Variants in EEFSEC observed in about 807,000 individuals in gnomAD.
EEFSEC encodes the protein selenocysteine-specific elongation factor.
Under a neutral mutation model 42.1 loss-of-function variants are expected in EEFSEC, and 43 were observed. That is an observed-to-expected ratio of 1.02 (90% CI 0.80 to 1.32). EEFSEC has a LOEUF of 1.32. Among genes scored for constraint, EEFSEC ranks in the 40% most tolerant of loss-of-function variants. The pLI is 0.00. For missense variants in EEFSEC, 745 were observed against 803.6 expected (o/e 0.93, Z 0.88); for synonymous variants, 354 against 339.1 (o/e 1.04, Z -0.48).
chr3:128,238,107 C>T (rs1315275675), intron 1 of EEFSEC, among the ~76,000 whole-genome samples: 1 of 152,192 alleles, frequency 6.6e-6, no homozygotes, highest in Non-Finnish European at 1.5e-5. Flanking sequence ...GGGAGGTCTC[C>T]TCTTCCAGGG....
intron 4 of EEFSEC, among the ~76,000 whole-genome samples, chr3:128,324,636 C>A (rs2067044499): frequency 6.6e-6 from 1 of 152,200 alleles, no homozygotes; most frequent in Non-Finnish European, 1.5e-5. Flanking sequence ...CCCATTCCAT[C>A]CTGCACGACA....
intron 4 of EEFSEC, among the ~76,000 whole-genome samples, chr3:128,303,305 C>T (rs757258133): frequency 6.6e-6 from 1 of 152,096 alleles, no homozygotes; most frequent in African/African-American, 2.4e-5. Flanking sequence ...CCTAATTTCC[C>T]TCCAGAAAGG....
chr3:128,324,026 G>A (rs1410864630), intron 4 of EEFSEC, among the ~76,000 whole-genome samples: 1 of 152,224 alleles, frequency 6.6e-6, no homozygotes, highest in African/African-American at 2.4e-5. Context: ...CTCTGGGGAA[G>A]GAGGCACGTG....
At chr3:128,395,608 C>T (rs1186368678) in intron 6 of EEFSEC, among the ~76,000 whole-genome samples, 1 of 152,214 alleles carries the variant, frequency 6.6e-6, no homozygotes, top group Non-Finnish European at 1.5e-5. Context: ...GGCCCAGCTT[C>T]CTCCCAGCAG....
chr3:128,197,134 C>T (rs558992793), intron 1 of EEFSEC, among the ~76,000 whole-genome samples: 6 of 152,316 alleles, frequency 3.9e-5, no homozygotes, highest in African/African-American at 1.2e-4. Flanking sequence ...TGACTATTCC[C>T]TCTAGTGTTG....
At chr3:128,170,883 G>A (rs944955858) in intron 1 of EEFSEC, among the ~76,000 whole-genome samples, 1 of 152,224 alleles carries the variant, frequency 6.6e-6, no homozygotes, top group African/African-American at 2.4e-5. Context: ...AAAGATAAGA[G>A]TCAGTTATGT....
intron 1 of EEFSEC, among the ~76,000 whole-genome samples, chr3:128,172,904 A>T (rs2065313350): frequency 6.6e-6 from 1 of 152,220 alleles, no homozygotes; most frequent in Non-Finnish European, 1.5e-5. Context: ...ATGAAATCAG[A>T]TGTCTTCTTT....
intron 1 of EEFSEC, among the ~76,000 whole-genome samples, chr3:128,211,862 T>C (rs1391058640): frequency 8.2e-6 from 1 of 121,218 alleles, no homozygotes; most frequent in Non-Finnish European, 1.7e-5. Flanking sequence ...TTTTTTTTTT[T>C]TTTTTTTTTT....
At chr3:128,216,960 C>T (rs186676680) in intron 1 of EEFSEC, among the ~76,000 whole-genome samples, 21 of 152,202 alleles carry the variant, frequency 1.4e-4, no homozygotes, top group African/African-American at 5.1e-4. Flanking sequence ...GGGCTGGACA[C>T]GTACATATGT....
intron 6 of EEFSEC, among the ~76,000 whole-genome samples, chr3:128,383,222 T>C (rs537531275): frequency 6.6e-6 from 1 of 152,296 alleles, no homozygotes; most frequent in East Asian, 1.9e-4. Context: ...CCTGTATTCA[T>C]CTATTGGTTA....
chr3:128,185,041 A>G (rs541810255), intron 1 of EEFSEC, among the ~76,000 whole-genome samples: 5 of 152,346 alleles, frequency 3.3e-5, no homozygotes, highest in South Asian at 2.1e-4. Flanking sequence ...AAAGAAGGAA[A>G]AAAACAAATA....
At chr3:128,330,146 T>C (rs1187306476) in intron 4 of EEFSEC, among the ~76,000 whole-genome samples, 1 of 152,156 alleles carries the variant, frequency 6.6e-6, no homozygotes, top group Non-Finnish European at 1.5e-5. Flanking sequence ...GGATGGCAAA[T>C]ACTTGGGGTG....
intron 4 of EEFSEC, among the ~76,000 whole-genome samples, chr3:128,268,275 C>T (rs1028591837): frequency 6.6e-5 from 10 of 152,140 alleles, no homozygotes; most frequent in Admixed American, 4.6e-4. Flanking sequence ...CAGGATAGAC[C>T]ATATCTAGAG....
chr3:128,329,931 G>C (rs1470741039), intron 4 of EEFSEC, among the ~76,000 whole-genome samples: 4 of 152,228 alleles, frequency 2.6e-5, no homozygotes, highest in Admixed American at 6.5e-5. Context: ...CTCAGGCCCA[G>C]GGCCCACAGG....
At chr3:128,316,966 C>G (rs2108029914) in intron 4 of EEFSEC, among the ~76,000 whole-genome samples, 1 of 152,304 alleles carries the variant, frequency 6.6e-6, no homozygotes, top group East Asian at 1.9e-4. Flanking sequence ...AAACAACATA[C>G]AGGAATAATT....
rs902278492 is a variant in EEFSEC, at chr3:128,317,355, T to G, written c.787-23878T>G. ...AAGCCTGGCCTGTTCTCCGCCCCGC[T>G]GCTGGAGCTCAGACGCTCACTCTGG... On this transcript the variant is annotated intron_variant, in intron 4 of 6. Transcript: ENST00000254730. The surrounding 1 kb of genome is among the most constrained non-coding windows in gnomAD (Gnocchi z 4.1). 6.6e-6 allele frequency among the ~76,000 whole-genome samples: 1 copy of G among 152,208 alleles called. No individual in the cohort carries two copies. Among genetic ancestry groups the G allele is most frequent in the African/African-American group, 2.4e-5 (1 of 41,460 alleles).
At chr3:128,313,163 A>C (rs1019536139) in intron 4 of EEFSEC, among the ~76,000 whole-genome samples, 1 of 152,168 alleles carries the variant, frequency 6.6e-6, no homozygotes, top group Admixed American at 6.5e-5. Context: ...CTCTTGGAAA[A>C]GGCTACATCC....
intron 4 of EEFSEC, among the ~76,000 whole-genome samples, chr3:128,293,662 A>AAAAAAAAAAAC (rs2066669452): frequency 1.2e-5 from 1 of 82,572 alleles, no homozygotes; most frequent in African/African-American, 4.6e-5. Flanking sequence ...CTCTATCTCA[A>AAAAAAAAAAAC]AAAAAAAAAA....
At position 128,375,908 on chromosome 3, in the gene EEFSEC, A is replaced by G. The variant is rs531417176; in HGVS notation, c.1600+17535A>G. On this transcript the variant is annotated intron_variant, in intron 6 of 6. Transcript: ENST00000254730. ...GTGATCTCCACCACACACCCTTTAT[A>G]TGAACACCACCCTTTATTTAAGCTA... Among the ~76,000 whole-genome samples, 7 of 152,264 alleles carry G rather than the reference A, an allele frequency of 4.6e-5. No homozygotes were observed. In the East Asian group the frequency reaches 7.7e-4, roughly 17 times the overall value.
Sources: allele counts gnomAD v4.1 joint callset (sites outside exome capture counted in the v4.1 genomes callset), GRCh38; gene constraint gnomAD v4.1.1; non-coding constraint Gnocchi (gnomAD v3.1); transcripts MANE v1.5; gene names NCBI Gene and HGNC (gene_info 2026-07-23, HGNC 2026-07-21).